The following ITK variants were observed in gnomAD, a reference collection of about 807,000 sequenced individuals.
The protein encoded by ITK is IL2 inducible T cell kinase.
Under a neutral mutation model 87.6 loss-of-function variants are expected in ITK, and 45 were observed. The ratio of observed to expected loss-of-function variants is 0.51; its 90% CI spans 0.40 to 0.66. ITK has a LOEUF of 0.66. Ranked by LOEUF, ITK falls within the 30% of genes least tolerant of loss-of-function variation. The pLI is 0.00. For synonymous variants in ITK, 303 were observed against 273.6 expected, an observed-to-expected ratio of 1.11 and a Z score of -1.06; for missense variants, 605 against 766.3, an observed-to-expected ratio of 0.79 and a Z score of 2.48.
At chr5:157,232,433 T>C (rs1754676162) in intron 8 of ITK, 39 bp downstream of exon 8, 2 of 1,398,936 alleles carry the variant, frequency 1.4e-6, no homozygotes, top group Non-Finnish European at 2.0e-6. Flanking sequence ...TAAAATAAAA[T>C]GAATTAAGTG....
chr5:157,193,480 C>T (rs1753790775), intron 1 of ITK, among the ~76,000 whole-genome samples: 1 of 152,096 alleles, frequency 6.6e-6, no homozygotes, highest in African/African-American at 2.4e-5. Context: ...AATGAGTTCT[C>T]GCTGTGTTTC....
intron 3 of ITK, among the ~76,000 whole-genome samples, chr5:157,212,849 CAA>C (rs372492636): frequency 7.1e-6 from 1 of 140,702 alleles, no homozygotes; most frequent in Admixed American, 7.1e-5. Flanking sequence ...CTTACCCCAC[CAA>C]AAAAAAAAGA....
intron 1 of ITK, among the ~76,000 whole-genome samples, chr5:157,203,360 C>A (rs1754013296): frequency 1.3e-5 from 2 of 152,196 alleles, no homozygotes; most frequent in Non-Finnish European, 2.9e-5. Context: ...ACCTGACACC[C>A]TTTGTTTTGA....
chr5:157,227,552 T>C (rs1030026457), intron 6 of ITK, among the ~76,000 whole-genome samples: 5 of 152,164 alleles, frequency 3.3e-5, no homozygotes, highest in Admixed American at 6.5e-5. Context: ...GAAAGTCATC[T>C]TTTATATTTT....
At chr5:157,244,747 A>T (rs1754987540) in intron 13 of ITK, 1 of 432,354 alleles carries the variant, frequency 2.3e-6, no homozygotes, top group African/African-American at 2.0e-5. Flanking sequence ...CTCCTTCTTA[A>T]CCTCTCTGTG....
rs1011799816 is a variant in ITK at position 157,254,769 on chromosome 5, C to T, written c.*2091C>T. On this transcript the variant is annotated 3_prime_UTR_variant, in exon 17 of 17. Coordinates refer to ENST00000422843, the MANE Select transcript of ITK (RefSeq NM_005546.4). ...AAAGAAAACATTGGAATTGACTGAT[C>T]TCTGTGGTTTGGTTTAGAAAATTCC... is the stretch of plus-strand genomic sequence containing the variant. 1.4e-5 allele frequency: 3 copies of T among 218,738 alleles called. No individual in the cohort carries two copies. The highest frequency in any genetic ancestry group is 2.8e-5 in the Non-Finnish European group (3 of 109,048). 13.5% of individuals were successfully genotyped at this position (218,738 alleles called of 1,614,324 possible).
chr5:157,209,195 A>T (rs933891887), intron 2 of ITK, among the ~76,000 whole-genome samples: 1 of 152,054 alleles, frequency 6.6e-6, no homozygotes, highest in African/African-American at 2.4e-5. Flanking sequence ...AGCTGGGCGT[A>T]CTGGCGGGCG....
intron 1 of ITK, among the ~76,000 whole-genome samples, chr5:157,198,010 C>T (rs1015658875): frequency 1.3e-5 from 2 of 150,936 alleles, no homozygotes; most frequent in Middle Eastern, 3.4e-3. Flanking sequence ...TCAAAGAGTA[C>T]AGAAGGATAC....
intron 8 of ITK, among the ~76,000 whole-genome samples, chr5:157,233,932 CATATATATATATATATAT>C (rs201838461): frequency 0.057 from 1,221 of 21,534 alleles, 43 homozygotes; most frequent in East Asian, 0.13. Context: ...CTTACTGATA[CATATATATATATATATAT>C]ATATATATAT....
At chr5:157,188,651 C>T (rs895931232) in intron 1 of ITK, among the ~76,000 whole-genome samples, 21 of 152,186 alleles carry the variant, frequency 1.4e-4, no homozygotes, top group African/African-American at 5.1e-4. Context: ...GAAACATGGT[C>T]TTGCTCTGTT....
At chr5:157,190,853 C>T (rs977715979) in intron 1 of ITK, among the ~76,000 whole-genome samples, 3 of 152,168 alleles carry the variant, frequency 2.0e-5, no homozygotes, top group African/African-American at 2.4e-5. Context: ...GGGCACAAGA[C>T]GAGGGGCAGA....
chr5:157,191,751 G>A (rs960565326), intron 1 of ITK, among the ~76,000 whole-genome samples: 9 of 151,878 alleles, frequency 5.9e-5, no homozygotes, highest in Admixed American at 5.9e-4. Flanking sequence ...TTTTATATAC[G>A]TGGAGGAATA....
At chr5:157,206,511 G>A (rs1475966093) in intron 1 of ITK, among the ~76,000 whole-genome samples, 1 of 152,068 alleles carries the variant, frequency 6.6e-6, no homozygotes, top group Non-Finnish European at 1.5e-5. Context: ...GAATCCATCT[G>A]GTCCCAGGCT....
intron 10 of ITK, chr5:157,240,515 C>T: frequency 2.4e-6 from 1 of 417,832 alleles, no homozygotes; most frequent in Non-Finnish European, 4.4e-6. Flanking sequence ...AGGACAAAGC[C>T]AGAGGGCACC....
intron 1 of ITK, among the ~76,000 whole-genome samples, chr5:157,184,512 A>C (rs1013947962): frequency 6.6e-6 from 1 of 152,168 alleles, no homozygotes; most frequent in African/African-American, 2.4e-5. Context: ...TTTCAGCGGT[A>C]AAGGGAAAAT....
intron 15 of ITK, among the ~76,000 whole-genome samples, chr5:157,248,081 T>G (rs1221472672): frequency 6.6e-6 from 1 of 152,234 alleles, no homozygotes; most frequent in Non-Finnish European, 1.5e-5. Context: ...ATCTGCCATT[T>G]GAACAAGACT....
intron 1 of ITK, among the ~76,000 whole-genome samples, chr5:157,191,871 C>A (rs1753759856): frequency 6.6e-6 from 1 of 152,116 alleles, no homozygotes; most frequent in Admixed American, 6.6e-5. Context: ...TTTTTAAAAT[C>A]AGCTTCTTAG....
At chr5:157,246,372 T>C (rs1462468554) in intron 15 of ITK, among the ~76,000 whole-genome samples, 1 of 152,206 alleles carries the variant, frequency 6.6e-6, no homozygotes, top group Non-Finnish European at 1.5e-5. Flanking sequence ...TATTTATTCA[T>C]TCATTCAACA....
At chr5:157,183,739 G>T (rs1053278484) in intron 1 of ITK, among the ~76,000 whole-genome samples, 14 of 152,118 alleles carry the variant, frequency 9.2e-5, no homozygotes, top group African/African-American at 3.4e-4. Flanking sequence ...GCCAGTTATT[G>T]CCCCTCTTAG....
Sources: gnomAD v4.1 joint callset for allele counts (sites outside exome capture counted in the v4.1 genomes callset) on GRCh38, gnomAD v4.1.1 for gene constraint, MANE v1.5 for transcripts, NCBI Gene and HGNC (gene_info 2026-07-23, HGNC 2026-07-21) for gene names.